Variants in FEM1A observed in about 807,000 individuals in gnomAD.
The protein encoded by FEM1A is protein fem-1 homolog A.
In FEM1A, 1 loss-of-function variant was observed where a neutral mutation model predicts 0.7. The ratio of observed to expected loss-of-function variants is 1.35; its 90% CI spans 0.48 to 6.40. The LOEUF (loss-of-function observed/expected upper bound fraction) is 6.40, where lower values mean the gene tolerates loss of function less well. Ranked by LOEUF, FEM1A falls within the 30% of genes most tolerant of loss-of-function variation. The probability of loss-of-function intolerance (pLI) is 0.14; values close to 1 mark genes in which losing one functional copy is unlikely to be tolerated. For synonymous variants in FEM1A, 391 were observed against 420.6 expected, an observed-to-expected ratio of 0.93 and a Z score of 0.86; for missense variants, 721 against 918.7, an observed-to-expected ratio of 0.78 and a Z score of 2.78.
chr19:4,793,076 C>T lies in FEM1A; in HGVS notation c.1222C>T (p.Arg408Cys). The change falls in exon 1 of 1, where the codon CGC becomes TGC. Residue 408 changes from arginine to cysteine, a missense_variant. By Grantham distance (180) the Arg-to-Cys change is radical. This residue lies in a region of FEM1A where 379 missense variants were observed against 454.8 expected (regional missense o/e 0.83). Coordinates refer to ENST00000269856, the MANE Select transcript of FEM1A (RefSeq NM_018708.3). This position sits in a 1 kb window ranked among gnomAD's most constrained non-coding sequence, Gnocchi z 5.1. ...AVYADSGNFE[R>C]CIRLWKYALD... ...GTACGCCGACTCGGGCAATTTCGAG[C>T]GCTGCATCCGCTTGTGGAAGTACGC... 6.2e-7 allele frequency: 1 copy of T among 1,613,560 alleles called. No individual in the cohort carries two copies. The highest frequency in any genetic ancestry group is 8.5e-7 in the Non-Finnish European group (1 of 1,180,008).
Position 4,791,837 on chromosome 19 carries a change from C to T in FEM1A, c.-18C>T. On this transcript the variant is annotated 5_prime_UTR_variant, in exon 1 of 1. Coordinates refer to ENST00000269856, the MANE Select transcript of FEM1A (RefSeq NM_018708.3). ...CGTCCCCCGGCGGCCGGCCCATGGC[C>T]TGGCGGAGGCCCGAACCATGGACCT... 6.7e-7 allele frequency: 1 copy of T among 1,483,124 alleles called. No individual in the cohort carries two copies. The highest frequency in any genetic ancestry group is 1.3e-5 in the South Asian group (1 of 79,814). 91.9% of individuals were successfully genotyped at this position (1,483,124 alleles called of 1,614,324 possible).
In FEM1A at chr19:4,793,924, G is replaced by T; in HGVS notation, c.*60G>T. The T allele has an allele frequency of 6.6e-7, 1 of 1,511,728 alleles. No individual in the cohort carries two copies. Among genetic ancestry groups the T allele is most frequent in the Non-Finnish European group, 8.9e-7 (1 of 1,119,038 alleles). The allele number at this position is 1,511,728 out of a possible 1,614,324, so 93.6% of individuals were successfully genotyped here. Reference sequence around the variant, plus strand: ...TCTCCTGCTGAGATGGGGGAAATCCGGCTGCGGCATAGCAGATGCTCGTTC... The same window carrying T: ...TCTCCTGCTGAGATGGGGGAAATCCTGCTGCGGCATAGCAGATGCTCGTTC... On this transcript the variant is annotated 3_prime_UTR_variant, in exon 1 of 1. Coordinates refer to ENST00000269856, the MANE Select transcript of FEM1A (RefSeq NM_018708.3). The surrounding 1 kb of genome is among the most constrained non-coding windows in gnomAD (Gnocchi z 5.1).
Position 4,796,641 on chromosome 19 carries a change from C to T in FEM1A, c.*2777C>T, listed in dbSNP as rs2093561431. 1 of 152,256 alleles carries T rather than the reference C, an allele frequency of 6.6e-6. No individual in the cohort carries two copies. The highest frequency in any genetic ancestry group is 2.4e-5 in the African/African-American group (1 of 41,454). 9.4% of individuals were successfully genotyped at this position (152,256 alleles called of 1,614,324 possible). A position where few individuals can be genotyped will look rare whatever the true frequency, so the allele number is the denominator to read the frequency against. On this transcript the variant is annotated 3_prime_UTR_variant, in exon 1 of 1. Transcript: ENST00000269856. ...GGGTCCATGGGATTTTGCTGAGCCC[C>T]TGCCATGTGCCAGGCAGGTTTCAGG...
In FEM1A at chr19:4,793,763, GT is replaced by G; in HGVS notation, c.1910del (p.Val637GlyfsTer94). 2 of 1,611,970 alleles carry G rather than the reference GT, an allele frequency of 1.2e-6. No homozygotes were observed. The highest frequency in any genetic ancestry group is 1.7e-6 in the Non-Finnish European group (2 of 1,179,734). On this transcript the variant is annotated frameshift_variant, in exon 1 of 1. Coordinates refer to ENST00000269856, the MANE Select transcript of FEM1A (RefSeq NM_018708.3). LOFTEE classifies it high-confidence loss of function. This position sits in a 1 kb window ranked among gnomAD's most constrained non-coding sequence, Gnocchi z 5.1. The part of the protein sequence containing the change: ...ARGTMQPFNY[V>X]TLQCLAARAL... ...GGGTACCATGCAGCCCTTCAACTAC[GT>G]GACCCTGCAGTGCCTTGCGGCCCGG...
chr19:4,797,509 A>C lies in FEM1A; in HGVS notation c.*3645A>C, dbSNP rs907736120. The C allele has an allele frequency of 7.2e-5, 11 of 152,186 alleles. No individual in the cohort carries two copies. The highest frequency in any genetic ancestry group is 4.6e-4 in the Admixed American group (7 of 15,244). The allele number at this position is 152,186 out of a possible 1,614,324, so 9.4% of individuals were successfully genotyped here. A position where few individuals can be genotyped will look rare whatever the true frequency, so the allele number is the denominator to read the frequency against. ...AGTTTCAGGTGAGGGCTGATCCAGC[A>C]GATCCCAATTATTCCTAAAGACCTG... On this transcript the variant is annotated 3_prime_UTR_variant, in exon 1 of 1. Transcript: ENST00000269856.
chr19:4,795,236 C>G lies in FEM1A; in HGVS notation c.*1372C>G, dbSNP rs1600036664. 6.0e-6 allele frequency: 1 copy of G among 167,048 alleles called. No homozygotes were observed. The highest frequency in any genetic ancestry group is 6.6e-5 in the Admixed American group (1 of 15,256). The allele number at this position is 167,048 out of a possible 1,614,324, so 10.3% of individuals were successfully genotyped here. A position where few individuals can be genotyped will look rare whatever the true frequency, so the allele number is the denominator to read the frequency against. On this transcript the variant is annotated 3_prime_UTR_variant, in exon 1 of 1. Transcript: ENST00000269856. ...CAGACGGGAGCAGGTTCTTGGCCAG[C>G]GTAGACAGCAGCAAACAGCAGCAGG...
Position 4,800,076 on chromosome 19 carries a change from T to A in FEM1A, c.*6212T>A, listed in dbSNP as rs1287176577. 2.0e-5 allele frequency: 3 copies of A among 151,534 alleles called. No homozygotes were observed. Among genetic ancestry groups the A allele is most frequent in the Non-Finnish European group, 4.4e-5 (3 of 67,930 alleles). The allele number at this position is 151,534 out of a possible 1,614,324, so 9.4% of individuals were successfully genotyped here. On this transcript the variant is annotated 3_prime_UTR_variant, in exon 1 of 1. Coordinates refer to ENST00000269856, the MANE Select transcript of FEM1A (RefSeq NM_018708.3). ...ACAGCCAAGAGGGAGAGCCAAGTCG[T>A]TTGTGGTTAAATGTCCTGCCTGTTT... is the stretch of plus-strand genomic sequence containing the variant.
chr19:4,792,063 C>A lies in FEM1A; in HGVS notation c.209C>A (p.Ala70Asp). 6.5e-7 allele frequency: 1 copy of A among 1,535,856 alleles called. No homozygotes were observed. ...GACCGGTGCGGCGCGAGCGTGGAGGCCGGTGGCTCGGTGCACTTCGATGGC... is the reference window on the plus strand; with the variant it reads ...GACCGGTGCGGCGCGAGCGTGGAGGACGGTGGCTCGGTGCACTTCGATGGC... Reference protein sequence around the residue: ...LVDRCGASVEAGGSVHFDGET... With the variant: ...LVDRCGASVEDGGSVHFDGET... The change falls in exon 1 of 1, where the codon GCC (alanine) becomes GAC (aspartate). Residue 70 changes from alanine to aspartate, a missense_variant. By Grantham distance (126) the Ala-to-Asp change is moderately radical. Coordinates refer to ENST00000269856, the MANE Select transcript of FEM1A (RefSeq NM_018708.3). The surrounding 1 kb of genome is among the most constrained non-coding windows in gnomAD (Gnocchi z 6.7).
Position 4,793,946 on chromosome 19 carries a change from G to C in FEM1A, c.*82G>C. On this transcript the variant is annotated 3_prime_UTR_variant, in exon 1 of 1. Transcript: ENST00000269856. The surrounding 1 kb of genome is among the most constrained non-coding windows in gnomAD (Gnocchi z 5.1). ...TCCGGCTGCGGCATAGCAGATGCTC[G>C]TTCTTGCCTCCTTCAGGCACCAATC... The C allele has an allele frequency of 7.3e-7, 1 of 1,376,878 alleles. No individual in the cohort carries two copies. Among genetic ancestry groups the C allele is most frequent in the Admixed American group, 2.3e-5 (1 of 44,022 alleles). The allele number at this position is 1,376,878 out of a possible 1,614,324, so 85.3% of individuals were successfully genotyped here. A position where few individuals can be genotyped will look rare whatever the true frequency, so the allele number is the denominator to read the frequency against.
Position 4,791,896 on chromosome 19 carries a change from C to T in FEM1A, c.42C>T (p.Gly14=). The T allele has an allele frequency of 6.6e-7, 1 of 1,522,630 alleles. No homozygotes were observed. Among genetic ancestry groups the T allele is most frequent in the Non-Finnish European group, 8.8e-7 (1 of 1,141,692 alleles). 94.3% of individuals were successfully genotyped at this position (1,522,630 alleles called of 1,614,324 possible). The change falls in exon 1 of 1, where the codon GGC becomes GGT. Residue 14 remains glycine, a synonymous_variant. Transcript: ENST00000269856. ...CCGTGTACAACGCCGCCCGTGATGG[C>T]AAGCTGCAGCTGCTCCAGAAGCTGC... ...RTAVYNAARD[G]KLQLLQKLLS... is the part of the protein sequence containing the mutation.
chr19:4,792,997 C>A lies in FEM1A; in HGVS notation c.1143C>A (p.Ile381=). 6.2e-7 allele frequency: 1 copy of A among 1,613,076 alleles called. No individual in the cohort carries two copies. Among genetic ancestry groups the A allele is most frequent in the East Asian group, 2.2e-5 (1 of 44,874 alleles). The change falls in exon 1 of 1, where the codon ATC becomes ATA. Residue 381 remains isoleucine, a synonymous_variant. Coordinates refer to ENST00000269856, the MANE Select transcript of FEM1A (RefSeq NM_018708.3). This position sits in a 1 kb window ranked among gnomAD's most constrained non-coding sequence, Gnocchi z 6.7. The stretch of plus-strand genomic sequence containing the variant: ...AGGCCCTGTTGATCCGGGAGCGCAT[C>A]CTCGGTCCCTCGCACCCGGACACTT... The part of the protein sequence containing the change: ...RMQALLIRER[I]LGPSHPDTSY...
In FEM1A at chr19:4,792,943, G is replaced by A. The variant is rs768361622; in HGVS notation, c.1089G>A (p.Leu363=). The part of the protein sequence containing the change: ...EVNTTEELEA[L]ITDPDEMRMQ... The stretch of plus-strand genomic sequence containing the variant: ...ACACCACCGAGGAGCTGGAGGCGCT[G>A]ATCACCGACCCGGATGAGATGCGCA... The change falls in exon 1 of 1, where the codon CTG becomes CTA. Residue 363 remains leucine (L), a synonymous_variant. Coordinates refer to ENST00000269856, the MANE Select transcript of FEM1A (RefSeq NM_018708.3). The surrounding 1 kb of genome is among the most constrained non-coding windows in gnomAD (Gnocchi z 6.7). 6.7e-5 allele frequency: 108 copies of A among 1,612,404 alleles called. No individual in the cohort carries two copies. Among genetic ancestry groups the A allele is most frequent in the Non-Finnish European group, 8.9e-5 (105 of 1,179,764 alleles).
In FEM1A at chr19:4,794,301, T is replaced by C. The variant is rs969712544; in HGVS notation, c.*437T>C. 1 of 200,686 alleles carries C rather than the reference T, an allele frequency of 5.0e-6. No homozygotes were observed. The highest frequency in any genetic ancestry group is 2.4e-5 in the African/African-American group (1 of 42,334). 12.4% of individuals were successfully genotyped at this position (200,686 alleles called of 1,614,324 possible). A position where few individuals can be genotyped will look rare whatever the true frequency, so the allele number is the denominator to read the frequency against. On this transcript the variant is annotated 3_prime_UTR_variant, in exon 1 of 1. Transcript: ENST00000269856. Reference sequence around the variant, plus strand: ...AGATAACTCCAGCCGCTGAATACAGTGTTAGGACTGGGGGCTCCTGAGATG... The same window carrying C: ...AGATAACTCCAGCCGCTGAATACAGCGTTAGGACTGGGGGCTCCTGAGATG...
Position 4,793,049 on chromosome 19 carries a change from G to C in FEM1A, c.1195G>C (p.Val399Leu). Residue 399 changes from valine (V) to leucine (L), a missense_variant, in exon 1 of 1, where the codon GTG becomes CTG. Physicochemically the swap from Val to Leu is conservative, Grantham distance 32. Around this residue, in one of 4 missense-constraint regions of FEM1A, gnomAD observed 379 missense variants for 454.8 expected, o/e 0.83. Coordinates refer to ENST00000269856, the MANE Select transcript of FEM1A (RefSeq NM_018708.3). This position sits in a 1 kb window ranked among gnomAD's most constrained non-coding sequence, Gnocchi z 5.1. ...TSYYIRYRGA[V>L]YADSGNFERC... is the part of the protein sequence containing the mutation. ...CTATTACATCCGTTACAGGGGTGCCGTGTACGCCGACTCGGGCAATTTCGA... is the reference window on the plus strand; with the variant it reads ...CTATTACATCCGTTACAGGGGTGCCCTGTACGCCGACTCGGGCAATTTCGA... 1 of 1,613,558 alleles carries C rather than the reference G, an allele frequency of 6.2e-7. No homozygotes were observed. The highest frequency in any genetic ancestry group is 8.5e-7 in the Non-Finnish European group (1 of 1,180,022).
Position 4,792,712 on chromosome 19 carries a change from C to T in FEM1A, c.858C>T (p.Tyr286=). The T allele has an allele frequency of 6.8e-6, 11 of 1,612,088 alleles. No homozygotes were observed. The highest frequency in any genetic ancestry group is 9.3e-6 in the Non-Finnish European group (11 of 1,179,870). ...AGGAACCACTGAACGGGGAATCTTA[C>T]GAAAGCTGCTGTCCCACCAGCCGGG... is the stretch of plus-strand genomic sequence containing the variant. ...SPEEPLNGES[Y]ESCCPTSREA... Residue 286 remains tyrosine (Y), a synonymous_variant, in exon 1 of 1, where the codon TAC becomes TAT. Coordinates refer to ENST00000269856, the MANE Select transcript of FEM1A (RefSeq NM_018708.3). This position sits in a 1 kb window ranked among gnomAD's most constrained non-coding sequence, Gnocchi z 6.7.
rs747880227 is a variant in FEM1A at position 4,792,645 on chromosome 19, G to A, written c.791G>A (p.Cys264Tyr). ...GAAGACCCCTCCACCAGCCAGGGGT[G>A]TGCGCAGCCTCAGGGGGCTCCGTGC... ...PQEDPSTSQG[C>Y]AQPQGAPCCS... The change falls in exon 1 of 1, where the codon TGT (cysteine) becomes TAT (tyrosine). Residue 264 changes from cysteine to tyrosine, a missense_variant. By Grantham distance (194) the Cys-to-Tyr change is radical (BLOSUM62 -2). Transcript: ENST00000269856. This position sits in a 1 kb window ranked among gnomAD's most constrained non-coding sequence, Gnocchi z 6.7. 1.2e-6 allele frequency: 2 copies of A among 1,612,058 alleles called. No individual in the cohort carries two copies. Among genetic ancestry groups the A allele is most frequent in the Non-Finnish European group, 1.7e-6 (2 of 1,179,826 alleles).
chr19:4,792,579 A>C lies in FEM1A; in HGVS notation c.725A>C (p.Glu242Ala), dbSNP rs1249832471. The C allele has an allele frequency of 6.2e-7, 1 of 1,609,008 alleles. No homozygotes were observed. The highest frequency in any genetic ancestry group is 8.5e-7 in the Non-Finnish European group (1 of 1,179,666). ...EYLIQEQPGQEQVAGGEAQPG... is the reference protein window; with the variant it reads ...EYLIQEQPGQAQVAGGEAQPG... ...CTCATCCAGGAGCAGCCCGGCCAGG[A>C]GCAGGTCGCAGGGGGAGAGGCTCAG... The change falls in exon 1 of 1, where the codon GAG (glutamate) becomes GCG (alanine). Residue 242 changes from glutamate (E) to alanine (A), a missense_variant. By Grantham distance (107) the Glu-to-Ala change is moderately radical. Coordinates refer to ENST00000269856, the MANE Select transcript of FEM1A (RefSeq NM_018708.3). The surrounding 1 kb of genome is among the most constrained non-coding windows in gnomAD (Gnocchi z 6.7).
chr19:4,792,023 G>A lies in FEM1A; in HGVS notation c.169G>A (p.Val57Met), dbSNP rs1340295739. Residue 57 changes from valine (V) to methionine (M), a missense_variant, in exon 1 of 1, where the codon GTG becomes ATG. By Grantham distance (21) the Val-to-Met change is conservative (BLOSUM62 1). This residue lies in a region of FEM1A where 195 missense variants were observed against 316.9 expected (regional missense o/e 0.62). Coordinates refer to ENST00000269856, the MANE Select transcript of FEM1A (RefSeq NM_018708.3). The surrounding 1 kb of genome is among the most constrained non-coding windows in gnomAD (Gnocchi z 6.7). Reference protein sequence around the residue: ...IAARYGHLDVVEYLVDRCGAS... With the variant: ...IAARYGHLDVMEYLVDRCGAS... Reference sequence around the variant, plus strand: ...CGCCCGCTACGGCCACCTGGACGTGGTGGAGTACCTGGTGGACCGGTGCGG... The same window carrying A: ...CGCCCGCTACGGCCACCTGGACGTGATGGAGTACCTGGTGGACCGGTGCGG... 1 of 1,540,186 alleles carries A rather than the reference G, an allele frequency of 6.5e-7. No homozygotes were observed. Among genetic ancestry groups the A allele is most frequent in the Non-Finnish European group, 8.7e-7 (1 of 1,151,670 alleles).
chr19:4,800,316 T>A lies in FEM1A; in HGVS notation c.*6452T>A. On this transcript the variant is annotated 3_prime_UTR_variant, in exon 1 of 1. Transcript: ENST00000269856. The stretch of plus-strand genomic sequence containing the variant: ...TCTAAGCTTACCCAGCCCGGAAGCA[T>A]CGGGGTCAAAGCTTAACCCCCTGCT... 6.6e-6 allele frequency: 1 copy of A among 152,170 alleles called. No homozygotes were observed. Among genetic ancestry groups the A allele is most frequent in the East Asian group, 1.9e-4 (1 of 5,186 alleles). The allele number at this position is 152,170 out of a possible 1,614,324, so 9.4% of individuals were successfully genotyped here. A position where few individuals can be genotyped will look rare whatever the true frequency, so the allele number is the denominator to read the frequency against.
Sources: allele counts gnomAD v4.1 joint callset, GRCh38; gene constraint gnomAD v4.1.1; regional missense constraint gnomAD v4.1.1; non-coding constraint Gnocchi (gnomAD v3.1); transcripts MANE v1.5; gene names NCBI Gene and HGNC (gene_info 2026-07-23, HGNC 2026-07-21).